The following TAF1B variants were observed in gnomAD, a reference collection of about 807,000 sequenced individuals.
TAF1B encodes the protein TATA-box binding protein associated factor, RNA polymerase I subunit B.
A neutral mutation model predicts 83.9 loss-of-function variants in TAF1B; 61 were observed. That is an observed-to-expected ratio of 0.73 (90% CI 0.59 to 0.90). The LOEUF (loss-of-function observed/expected upper bound fraction) is 0.90, where lower values mean the gene tolerates loss of function less well. Among genes scored for constraint, TAF1B ranks in the 40% least tolerant of loss-of-function variants. The probability of loss-of-function intolerance (pLI) is 0.00; values close to 1 mark genes in which losing one functional copy is unlikely to be tolerated. For missense variants in TAF1B, 625 were observed against 677.0 expected (o/e 0.92, Z 0.85); for synonymous variants, 221 against 224.6 (o/e 0.98, Z 0.14).
At chr2:9,861,397 G>A (rs1297708395) in intron 5 of TAF1B, among the ~76,000 whole-genome samples, 1 of 152,274 alleles carries the variant, frequency 6.6e-6, no homozygotes, top group Non-Finnish European at 1.5e-5. Flanking sequence ...GCGAGGCTGG[G>A]GAGGGGCGCC....
chr2:9,860,738 C>T (rs1663725949), intron 5 of TAF1B, among the ~76,000 whole-genome samples: 1 of 152,164 alleles, frequency 6.6e-6, no homozygotes, highest in Non-Finnish European at 1.5e-5. Flanking sequence ...GGGCAGTGAT[C>T]AGCTGTGATA....
At position 9,854,379 on chromosome 2, in the gene TAF1B, A is replaced by G. The variant is rs192392069; in HGVS notation, c.357A>G (p.Ala119=). The G allele has an allele frequency of 8.3e-5, 134 of 1,614,142 alleles. No individual in the cohort carries two copies. In the East Asian group the frequency reaches 2.7e-3, roughly 32 times the overall value. The change falls in exon 5 of 15, where the codon GCA becomes GCG. Residue 119 remains alanine, a synonymous_variant. Transcript: ENST00000263663. The stretch of plus-strand genomic sequence containing the variant: ...GCTACCTTCAGAAGAGCAAGCAGGC[A>G]TATTGTAAGAACCCAGTTTATACCA... The part of the protein sequence containing the change: ...WKRYLQKSKQ[A]YCKNPVYTTG...
intron 14 of TAF1B, among the ~76,000 whole-genome samples, chr2:9,929,308 G>A (rs927865690): frequency 3.9e-5 from 6 of 152,138 alleles, no homozygotes; most frequent in East Asian, 3.9e-4. Context: ...ACAGGTGCCC[G>A]CCTCCACACC....
intron 12 of TAF1B, among the ~76,000 whole-genome samples, chr2:9,915,665 G>A (rs945446927): frequency 3.0e-4 from 45 of 152,094 alleles, no homozygotes; most frequent in African/African-American, 7.2e-5. Flanking sequence ...AAATGGTACC[G>A]CTATTTTGAA....
chr2:9,895,335 A>G (rs111846989), intron 8 of TAF1B, among the ~76,000 whole-genome samples: 6 of 151,660 alleles, frequency 4.0e-5, no homozygotes, highest in African/African-American at 2.4e-5. Context: ...CTCTGGCTCT[A>G]CAAAAAAACA....
intron 9 of TAF1B, among the ~76,000 whole-genome samples, chr2:9,905,349 G>A (rs951949079): frequency 3.3e-5 from 5 of 152,050 alleles, no homozygotes; most frequent in African/African-American, 9.7e-5. Flanking sequence ...ATCCCAAAAC[G>A]GCACTTTTTA....
At chr2:9,861,585 T>C (rs1663761612) in intron 5 of TAF1B, among the ~76,000 whole-genome samples, 1 of 152,194 alleles carries the variant, frequency 6.6e-6, no homozygotes, top group Non-Finnish European at 1.5e-5. Flanking sequence ...GTCTGACAGC[T>C]TTGAAGAGAG....
At chr2:9,870,437 T>C (rs62127134) in intron 6 of TAF1B, among the ~76,000 whole-genome samples, 27,324 of 152,192 alleles carry the variant, frequency 0.18, 3,128 homozygotes, top group East Asian at 0.31. Flanking sequence ...TAGTGCGCTG[T>C]GATCATCCCA....
chr2:9,862,815 C>T (rs934938318), intron 5 of TAF1B, among the ~76,000 whole-genome samples: 6 of 152,192 alleles, frequency 3.9e-5, no homozygotes, highest in Non-Finnish European at 8.8e-5. Context: ...AAAGAATTTT[C>T]AACCTATAAT....
intron 5 of TAF1B, among the ~76,000 whole-genome samples, chr2:9,863,440 C>G (rs1369800785): frequency 2.0e-5 from 3 of 152,202 alleles, no homozygotes; most frequent in Non-Finnish European, 2.9e-5. Context: ...CACCCAGATT[C>G]ATAAAGCAAG....
intron 9 of TAF1B, among the ~76,000 whole-genome samples, chr2:9,905,489 G>A (rs1271101652): frequency 6.6e-6 from 1 of 152,074 alleles, no homozygotes; most frequent in East Asian, 1.9e-4. Flanking sequence ...ATCAAAGTCT[G>A]GTCAGATCAT....
In TAF1B at chr2:9,895,332, T is replaced by C. The variant is rs563516631; in HGVS notation, c.808-9527T>C. On this transcript the variant is annotated intron_variant, in intron 8 of 14. Transcript: ENST00000263663. ...CTGGGCAACATGGTGAAACTCTGGC[T>C]CTACAAAAAAACACAAAAATTAGCC... is the stretch of plus-strand genomic sequence containing the variant. Among the ~76,000 whole-genome samples, 5 of 151,852 alleles carry C rather than the reference T, an allele frequency of 3.3e-5. No individual in the cohort carries two copies. The South Asian group carries it at 1.0e-3, about 31-fold the overall frequency.
intron 9 of TAF1B, 116 bp downstream of exon 9, chr2:9,905,122 C>T: frequency 2.4e-6 from 2 of 816,822 alleles, no homozygotes. Flanking sequence ...TCCATGGTTA[C>T]ATGAAACTTA....
At chr2:9,932,691 A>G (rs551590199) in intron 14 of TAF1B, among the ~76,000 whole-genome samples, 17 of 152,354 alleles carry the variant, frequency 1.1e-4, no homozygotes, top group Non-Finnish European at 2.5e-4. Context: ...TGTGAGAACC[A>G]CTGCTTTCTT....
At chr2:9,885,109 G>A (rs1485915117) in intron 8 of TAF1B, among the ~76,000 whole-genome samples, 3 of 152,182 alleles carry the variant, frequency 2.0e-5, no homozygotes, top group Admixed American at 6.5e-5. Flanking sequence ...TGGAGAACTA[G>A]GATAGTGAGA....
intron 8 of TAF1B, among the ~76,000 whole-genome samples, chr2:9,901,069 CAAATTT>C (rs1427372355): frequency 7.2e-5 from 11 of 151,954 alleles, no homozygotes; most frequent in African/African-American, 2.7e-4. Flanking sequence ...TTTTTATAAT[CAAATTT>C]AAATGTTGCT....
chr2:9,918,968 A>C (rs2303921), intron 12 of TAF1B, 73 bp from the exon 13 acceptor site: 522,295 of 1,243,986 alleles, frequency 0.42, 112,005 homozygotes, highest in African/African-American at 0.54. Context: ...GAAATCTCAG[A>C]TAGTGCTTCA....
intron 14 of TAF1B, among the ~76,000 whole-genome samples, chr2:9,929,142 T>TTTGTTGTTGTTGTTG (rs70948857): frequency 0.07 from 10,497 of 150,958 alleles, 433 homozygotes; most frequent in African/African-American, 0.11. Context: ...ATTGGTTCTG[T>TTTGTTGTTGTTGTTG]TTGTTGTTGT....
chr2:9,913,362 T>TC, intron 12 of TAF1B, 113 bp downstream of exon 12: 2 of 774,662 alleles, frequency 2.6e-6, no homozygotes, highest in East Asian at 5.2e-5. Flanking sequence ...GACTTTTTTT[T>TC]CTGGAAATAT....
Sources: allele counts gnomAD v4.1 joint callset (sites outside exome capture counted in the v4.1 genomes callset), GRCh38; gene constraint gnomAD v4.1.1; transcripts MANE v1.5; gene names NCBI Gene and HGNC (gene_info 2026-07-23, HGNC 2026-07-21).